The following PHC3 variants were observed in gnomAD, a reference collection of about 807,000 sequenced individuals.
PHC3 encodes polyhomeotic-like protein 3.
PHC3 carries 13 observed loss-of-function variants against 107.4 expected under a neutral mutation model. The observed-to-expected ratio is 0.12, with a 90% CI of 0.08 to 0.19. The LOEUF (loss-of-function observed/expected upper bound fraction) is 0.19. PHC3 is among the 10% of genes least tolerant of loss of function. The pLI, the probability that PHC3 is intolerant of heterozygous loss-of-function variation, is 1.00. For synonymous variants in PHC3, 456 were observed against 427.4 expected, an observed-to-expected ratio of 1.07 and a Z score of -0.83; for missense variants, 992 against 1,210.9, an observed-to-expected ratio of 0.82 and a Z score of 2.68.
intron 10 of PHC3, among the ~76,000 whole-genome samples, chr3:170,115,672 G>T (rs914624027): frequency 1.3e-5 from 2 of 152,136 alleles, no homozygotes; most frequent in Non-Finnish European, 2.9e-5. Flanking sequence ...GAAGTGCCAG[G>T]TACCATACAG....
At chr3:170,109,026 T>G (rs749964739) in intron 11 of PHC3, among the ~76,000 whole-genome samples, 5 of 152,190 alleles carry the variant, frequency 3.3e-5, no homozygotes, top group Non-Finnish European at 7.4e-5. Context: ...CGAGGGACAT[T>G]AACAGATTCA....
Position 170,149,218 on chromosome 3 carries a change from A to G in PHC3, c.441T>C (p.Pro147=), listed in dbSNP as rs1019305141. 8 of 1,612,252 alleles carry G rather than the reference A, an allele frequency of 5.0e-6. No individual in the cohort carries two copies. The highest frequency in any genetic ancestry group is 6.8e-6 in the Non-Finnish European group (8 of 1,179,518). The change falls in exon 5 of 15, where the codon CCT becomes CCC. Residue 147 remains proline, a synonymous_variant. Coordinates refer to ENST00000495893, the MANE Select transcript of PHC3 (RefSeq NM_024947.4). ...TSINLSTSPT[P]AQLISRSQAS... Reference sequence around the variant, plus strand: ...CCTGGGAACGGCTTATTAACTGTGCAGGTGTAGGAGAAGTGGAGAGGTTGA... The same window carrying G: ...CCTGGGAACGGCTTATTAACTGTGCGGGTGTAGGAGAAGTGGAGAGGTTGA...
At chr3:170,106,976 G>A in intron 11 of PHC3, 30 bp from the exon 12 acceptor site, 2 of 1,535,764 alleles carry the variant, frequency 1.3e-6, no homozygotes, top group Middle Eastern at 3.5e-4. Context: ...AGGAAAAAAA[G>A]GTTCCAAAAA....
chr3:170,178,925 T>C lies in PHC3; in HGVS notation c.28A>G (p.Ser10Gly). ...TTTGGTTCAGTATCCATAGCTGTAC[T>C]ATGGTCCTTAAATCTGGCAGGTCAC... The part of the protein sequence containing the change: MAEAEFKDH[S>G]TAMDTEPNPG... Residue 10 changes from serine to glycine, a missense_variant, in exon 2 of 15, where the codon AGT becomes GGT. By Grantham distance (56) the Ser-to-Gly change is moderately conservative. Coordinates refer to ENST00000495893, the MANE Select transcript of PHC3 (RefSeq NM_024947.4). 4 of 1,612,654 alleles carry C rather than the reference T, an allele frequency of 2.5e-6. No individual in the cohort carries two copies. Among genetic ancestry groups the C allele is most frequent in the Non-Finnish European group, 3.4e-6 (4 of 1,179,056 alleles).
At chr3:170,179,366 T>A (rs1459805525) in intron 1 of PHC3, among the ~76,000 whole-genome samples, 2 of 152,212 alleles carry the variant, frequency 1.3e-5, no homozygotes, top group Non-Finnish European at 2.9e-5. Flanking sequence ...TACCTATACA[T>A]TAGAACAGAA....
At chr3:170,111,293 GGAAGGAAGGAAGGAAGGAAGGAAGGAAC>G (rs1306473520) in intron 11 of PHC3, among the ~76,000 whole-genome samples, 8 of 139,154 alleles carry the variant, frequency 5.7e-5, no homozygotes, top group African/African-American at 7.9e-5. Flanking sequence ...AAGGAAGGAA[GGAAGGAAGGAAGGAAGGAAGGAAGGAAC>G]GAACGAACGA....
chr3:170,166,800 G>A (rs1728811277), intron 4 of PHC3, among the ~76,000 whole-genome samples: 1 of 151,810 alleles, frequency 6.6e-6, no homozygotes, highest in Non-Finnish European at 1.5e-5. Context: ...GAGCAGCTGG[G>A]ACTGCAGGCA....
intron 14 of PHC3, among the ~76,000 whole-genome samples, chr3:170,101,635 A>G (rs536748235): frequency 4.6e-5 from 7 of 152,308 alleles, no homozygotes; most frequent in African/African-American, 1.7e-4. Context: ...GTGAATGACA[A>G]GATTTACTGA....
In PHC3 at chr3:170,168,234, G is replaced by GA. The variant is rs199844596; in HGVS notation, c.414+3138dup. Among the ~76,000 whole-genome samples the GA allele has an allele frequency of 2.0e-3, 300 of 150,538 alleles. 5 individuals carry two copies. In the East Asian group the frequency reaches 0.029, roughly 15 times the overall value. ...TAAAATTCTCCCTGTCTTCCCTTTT[G>GA]AAAAAAAAATTAAAGTAAAAAAGGA... On this transcript the variant is annotated intron_variant, in intron 4 of 14. Coordinates refer to ENST00000495893, the MANE Select transcript of PHC3 (RefSeq NM_024947.4).
intron 4 of PHC3, among the ~76,000 whole-genome samples, chr3:170,163,272 T>C (rs1026276314): frequency 2.0e-5 from 3 of 152,180 alleles, no homozygotes; most frequent in Non-Finnish European, 4.4e-5. Flanking sequence ...AAAAAAGTTT[T>C]TTCCCTTTCT....
chr3:170,110,500 C>T lies in PHC3; in HGVS notation c.2353+2860G>A, dbSNP rs182707024. Among the ~76,000 whole-genome samples the T allele has an allele frequency of 3.9e-5, 6 of 152,310 alleles. No individual in the cohort carries two copies. The East Asian group carries it at 1.2e-3, about 29-fold the overall frequency. On this transcript the variant is annotated intron_variant, in intron 11 of 14. Transcript: ENST00000495893. ...TAAATCCACGACCCACTTCAAATCTCATTTTTATAGGAAACCCACCAAACT... is the reference window on the plus strand; with the variant it reads ...TAAATCCACGACCCACTTCAAATCTTATTTTTATAGGAAACCCACCAAACT...
intron 7 of PHC3, among the ~76,000 whole-genome samples, chr3:170,134,100 C>G (rs1265964074): frequency 6.6e-6 from 1 of 151,864 alleles, no homozygotes; most frequent in Non-Finnish European, 1.5e-5. Flanking sequence ...AGTGTAAAAA[C>G]CCAGCTTTTA....
intron 3 of PHC3, among the ~76,000 whole-genome samples, chr3:170,171,706 T>C (rs1380343944): frequency 6.6e-6 from 1 of 152,246 alleles, no homozygotes; most frequent in African/African-American, 2.4e-5. Flanking sequence ...TTTATGGGTC[T>C]CTGTCATCTT....
At chr3:170,136,784 T>A in intron 6 of PHC3, 119 bp from the exon 7 acceptor site, 1 of 1,040,714 alleles carries the variant, frequency 9.6e-7, no homozygotes, top group Non-Finnish European at 1.4e-6. Context: ...TACGTAAAGC[T>A]CCAAGCACTT....
chr3:170,121,234 C>A (rs2108409220), intron 9 of PHC3, among the ~76,000 whole-genome samples: 1 of 152,118 alleles, frequency 6.6e-6, no homozygotes, highest in South Asian at 2.1e-4. Context: ...ACCAGCTATT[C>A]AGGAGGCTGA....
At chr3:170,104,851 G>A (rs1716174003) in intron 12 of PHC3, among the ~76,000 whole-genome samples, 1 of 152,166 alleles carries the variant, frequency 6.6e-6, no homozygotes, top group Non-Finnish European at 1.5e-5. Flanking sequence ...CAGCAATGTA[G>A]GTTTCTGATT....
chr3:170,142,758 G>A (rs1724310586), intron 6 of PHC3, among the ~76,000 whole-genome samples: 1 of 151,722 alleles, frequency 6.6e-6, no homozygotes. Flanking sequence ...CCTTGTAAAT[G>A]AATTAAAATC....
chr3:170,117,524 C>T (rs1719262907), intron 9 of PHC3, 48 bp from the exon 10 acceptor site: 3 of 1,555,836 alleles, frequency 1.9e-6, no homozygotes. Flanking sequence ...TAGCATTTTG[C>T]CCAAGCAAAT....
At chr3:170,113,611 T>C in intron 10 of PHC3, 92 bp from the exon 11 acceptor site, 1 of 1,222,524 alleles carries the variant, frequency 8.2e-7, no homozygotes, top group Non-Finnish European at 1.1e-6. Context: ...TGAAACCTAT[T>C]TGTGATAATT....
Sources: allele counts gnomAD v4.1 joint callset (sites outside exome capture counted in the v4.1 genomes callset), GRCh38; gene constraint gnomAD v4.1.1; transcripts MANE v1.5; gene names NCBI Gene and HGNC (gene_info 2026-07-23, HGNC 2026-07-21).